The following STPG4 variants were observed in gnomAD, a reference collection of about 807,000 sequenced individuals.
STPG4 encodes the protein protein STPG4.
Under a neutral mutation model 31.5 loss-of-function variants are expected in STPG4, and 41 were observed. That is an observed-to-expected ratio of 1.30 (90% CI 1.01 to 1.69). The LOEUF (loss-of-function observed/expected upper bound fraction) is 1.69, where lower values mean the gene tolerates loss of function less well. STPG4 is among the 40% of genes most tolerant of loss of function. STPG4 has a pLI of 0.00. For missense variants in STPG4, 375 were observed against 293.4 expected (o/e 1.28, Z -2.03); for synonymous variants, 141 against 103.0 (o/e 1.37, Z -2.24).
chr2:47,134,639 C>G (rs1202440753), intron 3 of STPG4, among the ~76,000 whole-genome samples: 3 of 152,158 alleles, frequency 2.0e-5, no homozygotes, highest in African/African-American at 7.2e-5. Flanking sequence ...CAAATGTGGG[C>G]AATTATGAAT....
At chr2:47,118,607 G>A (rs1686198917) in intron 5 of STPG4, among the ~76,000 whole-genome samples, 1 of 152,158 alleles carries the variant, frequency 6.6e-6, no homozygotes, top group South Asian at 2.1e-4. Context: ...GGGGACCGCT[G>A]CACTAAGTGG....
chr2:47,107,440 G>C (rs2103748998), intron 5 of STPG4, among the ~76,000 whole-genome samples: 1 of 152,316 alleles, frequency 6.6e-6, no homozygotes, highest in East Asian at 1.9e-4. Flanking sequence ...GGCTGCAGAG[G>C]GTGTACTGGG....
rs184868459 is a variant in STPG4 at position 47,132,096 on chromosome 2, C to T, written c.400-1836G>A. 3.3e-3 allele frequency among the ~76,000 whole-genome samples: 492 copies of T among 149,274 alleles called. 4 individuals carry two copies. Among genetic ancestry groups the T allele is most frequent in the African/African-American group, 0.011 (455 of 40,400 alleles). On this transcript the variant is annotated intron_variant, in intron 3 of 6. Coordinates refer to ENST00000445927, the MANE Select transcript of STPG4 (RefSeq NM_001163561.2). ...ACGAGAATCACTTGAACCTGGGAGG[C>T]GGGGGTTGCAGTGAGCCAAGATCGT...
chr2:47,103,270 C>T (rs575528399), intron 5 of STPG4, among the ~76,000 whole-genome samples: 18 of 152,008 alleles, frequency 1.2e-4, no homozygotes, highest in East Asian at 1.9e-4. Context: ...CTGCCTTCCT[C>T]GAGCAGCTAC....
chr2:47,138,059 G>A (rs1401808064), intron 3 of STPG4, among the ~76,000 whole-genome samples: 1 of 152,012 alleles, frequency 6.6e-6, no homozygotes, highest in Non-Finnish European at 1.5e-5. Flanking sequence ...CTAAGGTGCA[G>A]ACTTACATGA....
chr2:47,091,975 G>C (rs1685577408), intron 5 of STPG4, among the ~76,000 whole-genome samples: 1 of 149,466 alleles, frequency 6.7e-6, no homozygotes, highest in Non-Finnish European at 1.5e-5. Context: ...AGTTTTTATA[G>C]ACGTAACAAC....
chr2:47,105,667 G>C (rs897877967), intron 5 of STPG4, among the ~76,000 whole-genome samples: 1 of 152,034 alleles, frequency 6.6e-6, no homozygotes, highest in African/African-American at 2.4e-5. Flanking sequence ...ACGAAGGGCA[G>C]GTTATGCCAT....
At chr2:47,127,937 T>C (rs1199979986) in intron 5 of STPG4, among the ~76,000 whole-genome samples, 1 of 152,192 alleles carries the variant, frequency 6.6e-6, no homozygotes, top group Non-Finnish European at 1.5e-5. Context: ...AGGTGTTTAT[T>C]GTAGTCTTTG....
chr2:47,147,288 G>A (rs184400216), intron 3 of STPG4, among the ~76,000 whole-genome samples: 27 of 152,290 alleles, frequency 1.8e-4, no homozygotes, highest in South Asian at 6.2e-4. Context: ...AAAGAGAGAC[G>A]TACCCAGGGT....
chr2:47,092,692 A>G (rs919571766), intron 5 of STPG4, among the ~76,000 whole-genome samples: 1 of 151,732 alleles, frequency 6.6e-6, no homozygotes, highest in Non-Finnish European at 1.5e-5. Flanking sequence ...GTAAGGTCAT[A>G]ATAGGGACAT....
intron 3 of STPG4, among the ~76,000 whole-genome samples, chr2:47,131,443 T>C (rs1686482221): frequency 1.3e-5 from 2 of 152,166 alleles, no homozygotes; most frequent in African/African-American, 2.4e-5. Context: ...ACACTTTAAA[T>C]ATTCTAGATT....
chr2:47,149,945 A>C (rs1167166836), intron 3 of STPG4, among the ~76,000 whole-genome samples: 1 of 152,132 alleles, frequency 6.6e-6, no homozygotes, highest in East Asian at 1.9e-4. Context: ...CCCCTCATTC[A>C]AGGCGAGGGG....
intron 3 of STPG4, among the ~76,000 whole-genome samples, chr2:47,149,305 C>CG (rs1382089347): frequency 6.6e-6 from 1 of 152,162 alleles, no homozygotes; most frequent in African/African-American, 2.4e-5. Flanking sequence ...CATCCTTGTA[C>CG]GTTTTCTCCT....
rs749128889 is a variant in STPG4 at position 47,090,244 on chromosome 2, G to A, written c.624+26C>T. On this transcript the variant is annotated intron_variant, in intron 6 of 6. Transcript: ENST00000445927. ...CATAACCATACCCCTAGGGGTGGGG[G>A]GCGATCTGTCTTTCCGAATACTTAC... 3.0e-5 allele frequency: 44 copies of A among 1,484,262 alleles called. No individual in the cohort carries two copies. In the African/African-American group the frequency reaches 5.4e-4, roughly 18 times the overall value. The allele number at this position is 1,484,262 out of a possible 1,614,324, so 91.9% of individuals were successfully genotyped here.
rs565024816 is a variant in STPG4, at chr2:47,142,971, G to A, written c.399+8287C>T. On this transcript the variant is annotated intron_variant, in intron 3 of 6. Coordinates refer to ENST00000445927, the MANE Select transcript of STPG4 (RefSeq NM_001163561.2). ...TCCTGCCTTAGCCTCCCGAGTAGCT[G>A]GGATTACAGGCGCCTGCCACCACAC... Among the ~76,000 whole-genome samples, 3 of 150,838 alleles carry A rather than the reference G, an allele frequency of 2.0e-5. No individual in the cohort carries two copies. In the South Asian group the frequency reaches 6.3e-4, roughly 32 times the overall value.
chr2:47,092,537 G>GAAA (rs1685589508), intron 5 of STPG4, among the ~76,000 whole-genome samples: 1 of 12,524 alleles, frequency 8.0e-5, no homozygotes. Context: ...AAGAAAAGGG[G>GAAA]AGGGGAGGGA....
intron 5 of STPG4, among the ~76,000 whole-genome samples, chr2:47,096,969 G>C (rs988518344): frequency 2.0e-5 from 3 of 152,100 alleles, no homozygotes; most frequent in African/African-American, 7.2e-5. Context: ...GGAGGCCACG[G>C]GGAGAGGCAA....
intron 5 of STPG4, among the ~76,000 whole-genome samples, chr2:47,121,641 A>C (rs111932619): frequency 2.6e-5 from 4 of 152,090 alleles, no homozygotes; most frequent in Non-Finnish European, 5.9e-5. Context: ...TAAACAAACA[A>C]ATTTATTCTC....
At chr2:47,121,908 C>A (rs1448035877) in intron 5 of STPG4, among the ~76,000 whole-genome samples, 1 of 144,874 alleles carries the variant, frequency 6.9e-6, no homozygotes, top group Non-Finnish European at 1.5e-5. Context: ...TCTTCCCCAC[C>A]CTGGAGTACA....
Sources: allele counts gnomAD v4.1 joint callset (sites outside exome capture counted in the v4.1 genomes callset), GRCh38; gene constraint gnomAD v4.1.1; transcripts MANE v1.5; gene names NCBI Gene and HGNC (gene_info 2026-07-23, HGNC 2026-07-21).